RBFOX1: variants seen among roughly 807,000 people sequenced by gnomAD.
RBFOX1 encodes the protein RNA binding fox-1 homolog 1.
In RBFOX1, 8 loss-of-function variants were observed where a neutral mutation model predicts 57.7. The observed-to-expected ratio is 0.14, with a 90% CI of 0.08 to 0.25. The LOEUF (loss-of-function observed/expected upper bound fraction) is 0.25. Among genes scored for constraint, RBFOX1 ranks in the 10% least tolerant of loss-of-function variants. RBFOX1 has a pLI of 1.00. For synonymous variants in RBFOX1, 326 were observed against 222.4 expected, an observed-to-expected ratio of 1.47 and a Z score of -4.15; for missense variants, 611 against 548.5, an observed-to-expected ratio of 1.11 and a Z score of -1.14.
At position 6,232,830 on chromosome 16, in the gene RBFOX1, C is replaced by T. The variant is rs190642679; in HGVS notation, c.-126-84165C>T. Among the ~76,000 whole-genome samples the T allele has an allele frequency of 1.9e-3, 293 of 152,198 alleles. 5 individuals carry two copies. Among genetic ancestry groups the T allele is most frequent in the Admixed American group, 2.8e-3 (43 of 15,290 alleles). On this transcript the variant is annotated intron_variant, in intron 1 of 15. Coordinates refer to ENST00000550418, the MANE Select transcript of RBFOX1 (RefSeq NM_018723.4). ...ATGAGAATTGCTGGTGAAGCTGGGT[C>T]CCTATGTGTTTGCAGGTCTGTTTAG...
chr16:7,210,253 G>C (rs1325414963), intron 4 of RBFOX1, among the ~76,000 whole-genome samples: 1 of 152,144 alleles, frequency 6.6e-6, no homozygotes, highest in Non-Finnish European at 1.5e-5. Context: ...GTACTTATAG[G>C]ATTGCGAGGC....
intron 4 of RBFOX1, among the ~76,000 whole-genome samples, chr16:7,087,673 A>G (rs2060199247): frequency 6.6e-6 from 1 of 152,102 alleles, no homozygotes; most frequent in African/African-American, 2.4e-5. Context: ...ATCCTCATAA[A>G]CTCATAAACA....
intron 4 of RBFOX1, among the ~76,000 whole-genome samples, chr16:7,496,236 C>A (rs2068595121): frequency 6.6e-6 from 1 of 152,148 alleles, no homozygotes; most frequent in Non-Finnish European, 1.5e-5. Context: ...CTCCATCTCC[C>A]AGTTCAAGTG....
intron 3 of RBFOX1, among the ~76,000 whole-genome samples, chr16:6,962,491 T>C (rs1436168952): frequency 6.6e-6 from 1 of 152,180 alleles, no homozygotes; most frequent in Non-Finnish European, 1.5e-5. Flanking sequence ...ATAGCCGCAG[T>C]GTGTCCCTGG....
At chr16:7,241,116 G>C (rs1165291867) in intron 4 of RBFOX1, among the ~76,000 whole-genome samples, 1 of 152,114 alleles carries the variant, frequency 6.6e-6, no homozygotes, top group Non-Finnish European at 1.5e-5. Context: ...TTTCTGGCTT[G>C]AGACCCGAGG....
At chr16:5,984,965 TATATATATA>T (rs1384721548) in intron 4 of RBFOX1, among the ~76,000 whole-genome samples, 495 of 41,878 alleles carry the variant, frequency 0.012, 1 homozygote, top group East Asian at 0.019. Context: ...TATATATATA[TATATATATA>T]TATTTTTTTT....
intron 3 of RBFOX1, among the ~76,000 whole-genome samples, chr16:5,669,698 G>A (rs909364241): frequency 2.0e-5 from 3 of 152,282 alleles, no homozygotes; most frequent in East Asian, 1.9e-4. Context: ...GATTACAGGC[G>A]TGAGCCACCA....
At chr16:7,044,096 C>T (rs1212265072) in intron 3 of RBFOX1, among the ~76,000 whole-genome samples, 1 of 152,040 alleles carries the variant, frequency 6.6e-6, no homozygotes, top group African/African-American at 2.4e-5. Context: ...CTCCAGTAGC[C>T]TTCTTTGCTG....
chr16:6,063,507 C>CACCCACA (rs1555493205), intron 1 of RBFOX1, among the ~76,000 whole-genome samples: 3 of 47,128 alleles, frequency 6.4e-5, no homozygotes, highest in East Asian at 3.6e-4. Context: ...ACACACACAC[C>CACCCACA]CCCTTATATT....
chr16:6,969,837 T>G (rs1418266056), intron 3 of RBFOX1, among the ~76,000 whole-genome samples: 1 of 152,152 alleles, frequency 6.6e-6, no homozygotes, highest in African/African-American at 2.4e-5. Flanking sequence ...GCCCTAATTC[T>G]GAGTGTCAGC....
At chr16:6,200,662 G>A (rs554905095) in intron 1 of RBFOX1, among the ~76,000 whole-genome samples, 24 of 152,250 alleles carry the variant, frequency 1.6e-4, no homozygotes, top group African/African-American at 4.3e-4. Flanking sequence ...AATACTACAG[G>A]AGAGATAACC....
chr16:6,869,431 C>T (rs1006563405), intron 3 of RBFOX1, among the ~76,000 whole-genome samples: 2 of 151,258 alleles, frequency 1.3e-5, no homozygotes, highest in East Asian at 3.9e-4. Flanking sequence ...ACTGTGGTAT[C>T]TGTCTTGTAT....
At chr16:5,455,287 C>T (rs2068595766) in intron 1 of RBFOX1, among the ~76,000 whole-genome samples, 1 of 151,946 alleles carries the variant, frequency 6.6e-6, no homozygotes, top group Non-Finnish European at 1.5e-5. Context: ...TGGCATGTTT[C>T]CAAGAGGGAG....
At chr16:7,540,695 CTCT>C (rs1490485376) in intron 5 of RBFOX1, among the ~76,000 whole-genome samples, 1 of 152,178 alleles carries the variant, frequency 6.6e-6, no homozygotes, top group Non-Finnish European at 1.5e-5. Flanking sequence ...TTCTGGTTGT[CTCT>C]TCTTGAATGA....
At chr16:7,686,287 C>T (rs946443558) in intron 14 of RBFOX1, among the ~76,000 whole-genome samples, 11 of 151,930 alleles carry the variant, frequency 7.2e-5, no homozygotes, top group Non-Finnish European at 1.5e-4. Flanking sequence ...ATCTTGACTT[C>T]TACCCTAGAA....
intron 3 of RBFOX1, among the ~76,000 whole-genome samples, chr16:7,021,562 T>C (rs931067679): frequency 3.5e-5 from 5 of 140,888 alleles, no homozygotes; most frequent in African/African-American, 8.4e-5. Flanking sequence ...TTATAAAATA[T>C]ATTATATTTT....
At chr16:6,440,702 G>A (rs1263678931) in intron 2 of RBFOX1, among the ~76,000 whole-genome samples, 4 of 151,948 alleles carry the variant, frequency 2.6e-5, no homozygotes, top group South Asian at 2.1e-4. Flanking sequence ...TTGGGAGGCT[G>A]AGGCAGGAGA....
intron 3 of RBFOX1, among the ~76,000 whole-genome samples, chr16:6,899,390 G>A (rs2067890591): frequency 6.6e-6 from 1 of 152,106 alleles, no homozygotes; most frequent in Non-Finnish European, 1.5e-5. Flanking sequence ...AGGCCCTCTT[G>A]GCTCAAAATT....
At chr16:6,486,311 C>T (rs1391924689) in intron 2 of RBFOX1, among the ~76,000 whole-genome samples, 1 of 151,856 alleles carries the variant, frequency 6.6e-6, no homozygotes, top group Non-Finnish European at 1.5e-5. Flanking sequence ...TAGTGAAGAA[C>T]AAACTTGGTC....
Sources: gnomAD v4.1 joint callset for allele counts (sites outside exome capture counted in the v4.1 genomes callset) on GRCh38, gnomAD v4.1.1 for gene constraint, MANE v1.5 for transcripts, NCBI Gene and HGNC (gene_info 2026-07-23, HGNC 2026-07-21) for gene names.